The following USP3 variants were observed in gnomAD, a reference collection of about 807,000 sequenced individuals.
USP3 encodes the protein ubiquitin specific peptidase 3, also known as ubiquitin carboxyl-terminal hydrolase 3.
USP3 carries 20 observed loss-of-function variants against 72.3 expected under a neutral mutation model. The observed-to-expected ratio is 0.28, with a 90% CI of 0.19 to 0.40. The LOEUF is 0.40. Ranked by LOEUF, USP3 falls within the 10% of genes least tolerant of loss-of-function variation. The pLI is 1.00. For synonymous variants in USP3, 222 were observed against 225.3 expected, an observed-to-expected ratio of 0.99 and a Z score of 0.13; for missense variants, 479 against 633.9, an observed-to-expected ratio of 0.76 and a Z score of 2.62.
At chr15:63,548,732 A>C (rs1055928077) in intron 3 of USP3, among the ~76,000 whole-genome samples, 1 of 151,944 alleles carries the variant, frequency 6.6e-6, no homozygotes. Flanking sequence ...CAAGAGTCTG[A>C]CTTTATTGCC....
chr15:63,547,735 AGAGAGAGAGGGAGGGAGGGAGG>A (rs2066353713), intron 3 of USP3, among the ~76,000 whole-genome samples: 1 of 42,380 alleles, frequency 2.4e-5, no homozygotes, highest in African/African-American at 1.1e-4. Flanking sequence ...AGAGAGAGAG[AGAGAGAGAGGGAGGGAGGGAGG>A]GAGGGAGAGA....
chr15:63,591,707 G>GTGTT lies in USP3; in HGVS notation c.*884_*887dup, dbSNP rs1021342467. The stretch of plus-strand genomic sequence containing the variant: ...TCCATTATAGACTTACTTACTGCTT[G>GTGTT]TGTTTGGCATCTGAGTCTGAGGTGT... On this transcript the variant is annotated 3_prime_UTR_variant, in exon 15 of 15. Coordinates refer to ENST00000380324, the MANE Select transcript of USP3 (RefSeq NM_006537.4). The GTGTT allele has an allele frequency of 4.6e-5, 7 of 152,184 alleles. No homozygotes were observed. The highest frequency in any genetic ancestry group is 2.1e-4 in the South Asian group (1 of 4,826). The allele number at this position is 152,184 out of a possible 1,614,324, so 9.4% of individuals were successfully genotyped here.
At chr15:63,534,052 T>A (rs1369730820) in intron 2 of USP3, 1 of 211,676 alleles carries the variant, frequency 4.7e-6, no homozygotes, top group Non-Finnish European at 8.2e-6. Context: ...ATTAATGTTC[T>A]TAAACAACAA....
chr15:63,586,626 C>G (rs2067069449), intron 11 of USP3: 1 of 152,194 alleles, frequency 6.6e-6, no homozygotes, highest in Non-Finnish European at 1.5e-5. Flanking sequence ...ACTTGGGAGG[C>G]TCCTGAGAAC....
At chr15:63,526,483 A>C (rs1397169502) in intron 1 of USP3, among the ~76,000 whole-genome samples, 1 of 152,222 alleles carries the variant, frequency 6.6e-6, no homozygotes, top group Non-Finnish European at 1.5e-5. Context: ...TATAAATGTT[A>C]ACTAAATGAA....
chr15:63,571,196 T>G (rs933365911), intron 9 of USP3, among the ~76,000 whole-genome samples: 4 of 152,214 alleles, frequency 2.6e-5, no homozygotes, highest in African/African-American at 9.7e-5. Context: ...TAGCCTGGAT[T>G]TTGGTCAGTT....
intron 1 of USP3, among the ~76,000 whole-genome samples, chr15:63,511,853 C>T (rs2065786889): frequency 1.3e-5 from 2 of 151,032 alleles, no homozygotes; most frequent in African/African-American, 4.9e-5. Context: ...AGTCAGTATA[C>T]TTTGTTGATT....
intron 11 of USP3, among the ~76,000 whole-genome samples, chr15:63,579,435 A>G (rs966829570): frequency 6.6e-6 from 1 of 152,240 alleles, no homozygotes; most frequent in Non-Finnish European, 1.5e-5. Flanking sequence ...CAAATTTACA[A>G]TATGCCAAAG....
intron 11 of USP3, chr15:63,586,654 A>T (rs2067070072): frequency 6.6e-6 from 1 of 152,186 alleles, no homozygotes; most frequent in African/African-American, 2.4e-5. Context: ...CTCTATTTGC[A>T]AGTTTGGTTG....
intron 9 of USP3, among the ~76,000 whole-genome samples, chr15:63,571,770 A>T (rs1348654556): frequency 6.6e-6 from 1 of 152,196 alleles, no homozygotes; most frequent in Non-Finnish European, 1.5e-5. Context: ...AGTTTTCAGG[A>T]TTAATCTATC....
intron 1 of USP3, among the ~76,000 whole-genome samples, chr15:63,507,956 T>A (rs886563897): frequency 2.6e-5 from 4 of 152,118 alleles, no homozygotes; most frequent in African/African-American, 9.7e-5. Context: ...AAACAAAAAT[T>A]TAGTGGGAAG....
chr15:63,532,577 C>T, intron 1 of USP3, 70 bp from the exon 2 acceptor site: 1 of 1,574,610 alleles, frequency 6.4e-7, no homozygotes, highest in South Asian at 1.1e-5. Flanking sequence ...AACTTAATCA[C>T]AGGAAAATGG....
At chr15:63,532,964 G>C (rs2066099717) in intron 2 of USP3, among the ~76,000 whole-genome samples, 2 of 152,120 alleles carry the variant, frequency 1.3e-5, no homozygotes, top group Admixed American at 1.3e-4. Context: ...AATAATATTT[G>C]AGTGGAAAGA....
chr15:63,504,943 G>A (rs1371202923), intron 1 of USP3, 113 bp downstream of exon 1: 1 of 785,560 alleles, frequency 1.3e-6, no homozygotes, highest in African/African-American at 1.9e-5. Flanking sequence ...GGGCGAGGGC[G>A]AGCCGGGCCC....
rs557265026 is a variant in USP3 at position 63,555,322 on chromosome 15, G to A, written c.369-1345G>A. On this transcript the variant is annotated intron_variant, in intron 4 of 14. Transcript: ENST00000380324. ...CATATTTGTGTTTTACTTAACTTTC[G>A]ACTATTCCGCATGCCCCGTGGAGCA... Among the ~76,000 whole-genome samples, 28 of 151,696 alleles carry A rather than the reference G, an allele frequency of 1.8e-4. 1 individual carries two copies. The East Asian group carries it at 2.7e-3, about 15-fold the overall frequency.
At chr15:63,556,930 CATCT>C in intron 5 of USP3, 182 bp downstream of exon 5, 3 of 517,522 alleles carry the variant, frequency 5.8e-6, no homozygotes, top group South Asian at 2.5e-5. Flanking sequence ...CCAGTGAGTC[CATCT>C]GTCAGCACCT....
At position 63,544,610 on chromosome 15, in the gene USP3, A is replaced by G. The variant is rs907597281; in HGVS notation, c.284+7454A>G. The G allele has an allele frequency of 1.5e-5, 10 of 686,428 alleles. No individual in the cohort carries two copies. Among genetic ancestry groups the G allele is most frequent in the Middle Eastern group, 2.3e-4 (1 of 4,292 alleles). 42.5% of individuals were successfully genotyped at this position (686,428 alleles called of 1,614,324 possible). A position where few individuals can be genotyped will look rare whatever the true frequency, so the allele number is the denominator to read the frequency against. On this transcript the variant is annotated intron_variant, in intron 3 of 14. Transcript: ENST00000380324. This position sits in a 1 kb window ranked among gnomAD's most constrained non-coding sequence, Gnocchi z 4.2. Reference sequence around the variant, plus strand: ...TTTAGGACAAGAAAACGATTGAGCCATGCTGTGTGTTTTCATTTTTGGAGA... The same window carrying G: ...TTTAGGACAAGAAAACGATTGAGCCGTGCTGTGTGTTTTCATTTTTGGAGA...
At chr15:63,568,129 C>T (rs1362181204) in intron 8 of USP3, among the ~76,000 whole-genome samples, 1 of 151,938 alleles carries the variant, frequency 6.6e-6, no homozygotes, top group Non-Finnish European at 1.5e-5. Flanking sequence ...CCGAGGCGGG[C>T]GGATCACGAG....
At chr15:63,516,326 G>A (rs1265602278) in intron 1 of USP3, among the ~76,000 whole-genome samples, 1 of 152,108 alleles carries the variant, frequency 6.6e-6, no homozygotes, top group Admixed American at 6.5e-5. Flanking sequence ...AGTTCTCCAG[G>A]CTGGACAGTT....
Sources: gnomAD v4.1 joint callset for allele counts (sites outside exome capture counted in the v4.1 genomes callset) on GRCh38, gnomAD v4.1.1 for gene constraint, Gnocchi (gnomAD v3.1) non-coding constraint, MANE v1.5 for transcripts, NCBI Gene and HGNC (gene_info 2026-07-23, HGNC 2026-07-21) for gene names.